The following RGS6 variants were observed in gnomAD, a reference collection of about 807,000 sequenced individuals.
The protein encoded by RGS6 is regulator of G protein signaling 6.
RGS6 carries 30 observed loss-of-function variants against 78.5 expected under a neutral mutation model. The ratio of observed to expected loss-of-function variants is 0.38; its 90% CI spans 0.29 to 0.52. RGS6 has a LOEUF of 0.52. Among genes scored for constraint, RGS6 ranks in the 20% least tolerant of loss-of-function variants. The pLI, the probability that RGS6 is intolerant of heterozygous loss-of-function variation, is 0.85. For missense variants in RGS6, 495 were observed against 609.7 expected (o/e 0.81, Z 1.98); for synonymous variants, 206 against 206.0 (o/e 1.00, Z 0.00).
At chr14:72,613,292 T>G in the RGS6 span, among the ~76,000 whole-genome samples, 1 of 152,138 alleles carries the variant, frequency 6.6e-6, no homozygotes, top group African/African-American at 2.4e-5. Flanking sequence ...CGCGTTTATT[T>G]GCTAGACAGG....
chr14:72,335,259 C>T (rs558611610), intron 2 of RGS6, among the ~76,000 whole-genome samples: 110 of 152,222 alleles, frequency 7.2e-4, no homozygotes, highest in African/African-American at 2.6e-3. Context: ...ACAGCCCCTC[C>T]CCTAGGCTTT....
At chr14:71,921,116 T>C in the RGS6 span, among the ~76,000 whole-genome samples, 1 of 152,180 alleles carries the variant, frequency 6.6e-6, no homozygotes, top group Admixed American at 6.5e-5. Flanking sequence ...TCAACATCAC[T>C]AATCATCAGA....
chr14:72,356,040 A>G (rs2080202734), intron 3 of RGS6, among the ~76,000 whole-genome samples: 1 of 152,166 alleles, frequency 6.6e-6, no homozygotes, highest in South Asian at 2.1e-4. Context: ...TTACCTTTCA[A>G]TGAGATCACT....
chr14:72,455,734 C>T (rs2095613333), intron 4 of RGS6, among the ~76,000 whole-genome samples: 1 of 152,210 alleles, frequency 6.6e-6, no homozygotes, highest in African/African-American at 2.4e-5. Flanking sequence ...CAAAGCAACT[C>T]ACTATGTGTT....
intron 2 of RGS6, among the ~76,000 whole-genome samples, chr14:71,992,292 C>T (rs2094991478): frequency 6.6e-6 from 1 of 152,238 alleles, no homozygotes; most frequent in Non-Finnish European, 1.5e-5. Context: ...CTTGGCCTCC[C>T]AAAGTGTTGG....
chr14:71,926,924 G>T, the RGS6 span, among the ~76,000 whole-genome samples: 2 of 152,168 alleles, frequency 1.3e-5, no homozygotes, highest in Non-Finnish European at 2.9e-5. Context: ...AAACATGCCT[G>T]TCATTGATTC....
intron 3 of RGS6, among the ~76,000 whole-genome samples, chr14:72,366,892 A>G (rs548971224): frequency 6.6e-6 from 1 of 152,362 alleles, no homozygotes; most frequent in African/African-American, 2.4e-5. Flanking sequence ...CAGTCATTCC[A>G]GGATAATTCT....
intron 3 of RGS6, among the ~76,000 whole-genome samples, chr14:72,451,740 C>T (rs755002251): frequency 1.2e-4 from 18 of 152,038 alleles, no homozygotes; most frequent in Middle Eastern, 3.4e-3. Flanking sequence ...CTAGGCAACC[C>T]ACAGAAAAGA....
chr14:71,900,071 G>A, the RGS6 span, among the ~76,000 whole-genome samples: 5 of 152,122 alleles, frequency 3.3e-5, no homozygotes, highest in Non-Finnish European at 7.4e-5. Context: ...ACATCTTTAC[G>A]GTTGATATTC....
At chr14:72,102,111 C>A (rs997616151) in intron 2 of RGS6, among the ~76,000 whole-genome samples, 4 of 152,230 alleles carry the variant, frequency 2.6e-5, no homozygotes, top group Admixed American at 6.5e-5. Flanking sequence ...AGCCGAGGAA[C>A]AGCAAGTCTG....
intron 2 of RGS6, among the ~76,000 whole-genome samples, chr14:72,062,999 T>G (rs916976343): frequency 1.3e-5 from 2 of 152,146 alleles, no homozygotes; most frequent in Non-Finnish European, 2.9e-5. Context: ...AATTTCTGTA[T>G]TTTTAGCAGA....
At chr14:72,407,312 G>A (rs905616602) in intron 3 of RGS6, among the ~76,000 whole-genome samples, 1 of 152,178 alleles carries the variant, frequency 6.6e-6, no homozygotes, top group Admixed American at 6.5e-5. Context: ...TTGTAGGCTT[G>A]TCGTTTGGAG....
chr14:72,173,080 C>A (rs764198073), intron 2 of RGS6, among the ~76,000 whole-genome samples: 11 of 152,172 alleles, frequency 7.2e-5, no homozygotes, highest in Non-Finnish European at 1.6e-4. Context: ...AAAATACCCT[C>A]TTAGATTTGT....
At chr14:71,870,497 G>A in the RGS6 span, among the ~76,000 whole-genome samples, 4 of 152,316 alleles carry the variant, frequency 2.6e-5, no homozygotes, top group South Asian at 8.3e-4. Flanking sequence ...GGTCTGGGGA[G>A]TCTAAGAATT....
At chr14:71,881,570 T>C in the RGS6 span, among the ~76,000 whole-genome samples, 3 of 152,180 alleles carry the variant, frequency 2.0e-5, no homozygotes, top group Non-Finnish European at 4.4e-5. Context: ...GAAACCCCAT[T>C]CCCTCAGTTC....
intron 2 of RGS6, among the ~76,000 whole-genome samples, chr14:72,211,715 CA>C (rs1324450173): frequency 6.6e-6 from 1 of 152,144 alleles, no homozygotes; most frequent in Non-Finnish European, 1.5e-5. Flanking sequence ...ATACGAAGTT[CA>C]ACTGCAAAAT....
At chr14:71,932,205 G>A (rs2087925550), upstream of RGS6, among the ~76,000 whole-genome samples, 1 of 152,136 alleles carries the variant, frequency 6.6e-6, no homozygotes, top group Admixed American at 6.5e-5. Context: ...GCAAATCACG[G>A]TCTGCGCCTT....
chr14:72,515,630 C>A (rs990471820), intron 14 of RGS6: 3 of 152,314 alleles, frequency 2.0e-5, no homozygotes, highest in African/African-American at 7.2e-5. Flanking sequence ...GTAGCCACTG[C>A]ACTCCAGTTT....
intron 2 of RGS6, among the ~76,000 whole-genome samples, chr14:72,189,594 A>G (rs1019820071): frequency 4.6e-5 from 7 of 152,112 alleles, no homozygotes; most frequent in Non-Finnish European, 1.0e-4. Context: ...AGTGATTTTT[A>G]TTAACAAGAA....
Sources: gnomAD v4.1 joint callset for allele counts (sites outside exome capture counted in the v4.1 genomes callset) on GRCh38, gnomAD v4.1.1 for gene constraint, MANE v1.5 for transcripts, NCBI Gene and HGNC (gene_info 2026-07-23, HGNC 2026-07-21) for gene names.